EML6: variants seen among roughly 807,000 people sequenced by gnomAD.
EML6 encodes echinoderm microtubule-associated protein-like 6.
In EML6, 154 loss-of-function variants were observed where a neutral mutation model predicts 240.1. That is an observed-to-expected ratio of 0.64 (90% CI 0.56 to 0.73). The LOEUF (loss-of-function observed/expected upper bound fraction) is 0.73. Ranked by LOEUF, EML6 falls within the 30% of genes least tolerant of loss-of-function variation. The probability of loss-of-function intolerance (pLI) is 0.00; values close to 1 mark genes in which losing one functional copy is unlikely to be tolerated. For synonymous variants in EML6, 1,148 were observed against 899.0 expected (o/e 1.28, Z -4.95); for missense variants, 2,964 against 2,474.6 (o/e 1.20, Z -4.20).
chr2:54,807,000 A>G (rs948197284), intron 2 of EML6, among the ~76,000 whole-genome samples: 1 of 152,216 alleles, frequency 6.6e-6, no homozygotes, highest in East Asian at 1.9e-4. Context: ...TAATAAACTT[A>G]TACACTTTAC....
chr2:54,896,016 ACT>A (rs1672744074), intron 21 of EML6, among the ~76,000 whole-genome samples: 1 of 152,196 alleles, frequency 6.6e-6, no homozygotes, highest in Non-Finnish European at 1.5e-5. Flanking sequence ...GTCATACCAC[ACT>A]CAAAGGGAGG....
rs1258410496 is a variant in EML6, at chr2:54,894,904, T to C, written c.2743-11T>C. ...ATGTGTATATAATACCTCTCATGTG[T>C]GCCTTCACAGGGCTTTGTAACAGGT... On this transcript the variant is annotated splice_polypyrimidine_tract_variant and intron_variant, in intron 19 of 41. Transcript: ENST00000356458. The C allele has an allele frequency of 6.5e-7, 1 of 1,538,482 alleles. No homozygotes were observed. The highest frequency in any genetic ancestry group is 2.0e-5 in the Admixed American group (1 of 50,974).
In EML6 at chr2:54,895,008, T is replaced by C. The variant is rs2104137477; in HGVS notation, c.2836T>C (p.Leu946=). The change falls in exon 20 of 42, where the codon TTG becomes CTG. Residue 946 remains leucine, a synonymous_variant. Transcript: ENST00000356458. The part of the protein sequence containing the change: ...LKTYAIKRSA[L]STSSKGLLLE... Reference sequence around the variant, plus strand: ...GACTTATGCCATTAAAAGATCAGCATTGTCGACTAGCTCAAAAGGTGCCAC... The same window carrying C: ...GACTTATGCCATTAAAAGATCAGCACTGTCGACTAGCTCAAAAGGTGCCAC... The C allele has an allele frequency of 1.3e-6, 2 of 1,550,928 alleles. No homozygotes were observed. Among genetic ancestry groups the C allele is most frequent in the Admixed American group, 2.0e-5 (1 of 50,996 alleles).
In EML6 at chr2:54,888,545, C is replaced by A. The variant is rs1264015548; in HGVS notation, c.2439-2509C>A. On this transcript the variant is annotated intron_variant, in intron 17 of 41. Transcript: ENST00000356458. ...CTCCTCCCTCCTCTGTATACTGTGG[C>A]AACCACTAATTTTTTACCCATGTTA... is the stretch of plus-strand genomic sequence containing the variant. Among the ~76,000 whole-genome samples the A allele has an allele frequency of 2.6e-5, 4 of 152,156 alleles. No homozygotes were observed. In the East Asian group the frequency reaches 7.7e-4, roughly 29 times the overall value.
chr2:54,940,082 G>A (rs371818300), intron 28 of EML6, among the ~76,000 whole-genome samples: 1 of 152,304 alleles, frequency 6.6e-6, no homozygotes, highest in Admixed American at 6.5e-5. Flanking sequence ...ACCAAAATTA[G>A]AAGTAGTTTC....
At chr2:54,781,843 T>A (rs1445438718) in intron 2 of EML6, among the ~76,000 whole-genome samples, 1 of 152,086 alleles carries the variant, frequency 6.6e-6, no homozygotes, top group African/African-American at 2.4e-5. Flanking sequence ...CTAATTTTTT[T>A]ATTTTTTTAG....
intron 28 of EML6, 111 bp from the exon 29 acceptor site, chr2:54,948,771 T>A (rs778419645): frequency 4.0e-5 from 31 of 769,980 alleles, no homozygotes; most frequent in Middle Eastern, 6.5e-4. Flanking sequence ...GAGGGGCCTT[T>A]GAGGCGGGAG....
chr2:54,806,612 C>CAAAAAAAAAAAAAAAAAAAAAACAA (rs1670501856), intron 2 of EML6, among the ~76,000 whole-genome samples: 1 of 52,822 alleles, frequency 1.9e-5, no homozygotes, highest in Non-Finnish European at 3.4e-5. Context: ...ACTCCGTCTC[C>CAAAAAAAAAAAAAAAAAAAAAACAA]AAAAAAAAAA....
chr2:54,915,138 G>A (rs936751612), intron 25 of EML6, among the ~76,000 whole-genome samples: 2 of 152,144 alleles, frequency 1.3e-5, no homozygotes, highest in African/African-American at 2.4e-5. Flanking sequence ...TGCATTGACG[G>A]ATTATAGGTA....
At chr2:54,937,278 CAA>C (rs148412435) in intron 28 of EML6, among the ~76,000 whole-genome samples, 2 of 140,532 alleles carry the variant, frequency 1.4e-5, no homozygotes. Context: ...AACTCTGTCT[CAA>C]AAAAAAAAAA....
chr2:54,948,761 G>C lies in EML6; in HGVS notation c.4005-121G>C, dbSNP rs1186616180. On this transcript the variant is annotated intron_variant, in intron 28 of 41. Coordinates refer to ENST00000356458, the MANE Select transcript of EML6 (RefSeq NM_001039753.4). The stretch of plus-strand genomic sequence containing the variant: ...GGGCAGGACTGAACAGATCCAAGTG[G>C]AGGGGCCTTTGAGGCGGGAGGAGAG... The C allele has an allele frequency of 5.6e-6, 4 of 712,016 alleles. No homozygotes were observed. The African/African-American group carries it at 7.1e-5, about 13-fold the overall frequency. The allele number at this position is 712,016 out of a possible 1,614,324, so 44.1% of individuals were successfully genotyped here.
intron 10 of EML6, among the ~76,000 whole-genome samples, chr2:54,852,382 T>C (rs1670138022): frequency 6.6e-6 from 1 of 152,242 alleles, no homozygotes; most frequent in Non-Finnish European, 1.5e-5. Flanking sequence ...CGTTACTTCA[T>C]ATATTTTTTC....
At chr2:54,898,279 A>G (rs1047099958) in intron 21 of EML6, among the ~76,000 whole-genome samples, 2 of 152,120 alleles carry the variant, frequency 1.3e-5, no homozygotes, top group Non-Finnish European at 2.9e-5. Context: ...CAGATTAAGG[A>G]AATACAATTT....
In EML6 at chr2:54,759,246, A is replaced by C. The variant is rs191233985; in HGVS notation, c.197+33988A>C. Among the ~76,000 whole-genome samples the C allele has an allele frequency of 1.1e-3, 172 of 150,534 alleles. 1 individual carries two copies. Among genetic ancestry groups the C allele is most frequent in the Middle Eastern group, 3.4e-3 (1 of 294 alleles). On this transcript the variant is annotated intron_variant, in intron 2 of 41. Transcript: ENST00000356458. ...TGAATAATAATATGCATATCTGATA[A>C]TTAGGCCCACAGTTTACAGTGGCTT...
intron 28 of EML6, among the ~76,000 whole-genome samples, chr2:54,930,315 C>A (rs1674785024): frequency 6.6e-6 from 1 of 152,198 alleles, no homozygotes; most frequent in African/African-American, 2.4e-5. Flanking sequence ...CTCACCTAAT[C>A]CTCTTCTTGT....
chr2:54,881,239 A>G (rs1480297708), intron 17 of EML6: 1 of 152,240 alleles, frequency 6.6e-6, no homozygotes, highest in Non-Finnish European at 1.5e-5. Context: ...AATAAAAGTT[A>G]CTTAAATATC....
chr2:54,933,243 T>G (rs1674954127), intron 28 of EML6, among the ~76,000 whole-genome samples: 1 of 152,190 alleles, frequency 6.6e-6, no homozygotes, highest in South Asian at 2.1e-4. Context: ...CCAATCACTA[T>G]GGGCTAGGAA....
At chr2:54,907,623 T>A (rs895879942) in intron 24 of EML6, among the ~76,000 whole-genome samples, 2 of 152,234 alleles carry the variant, frequency 1.3e-5, no homozygotes, top group Non-Finnish European at 2.9e-5. Context: ...TTATTCTAAC[T>A]TGTAAATTAT....
At chr2:54,741,503 G>A (rs1453011692) in intron 2 of EML6, among the ~76,000 whole-genome samples, 3 of 152,188 alleles carry the variant, frequency 2.0e-5, no homozygotes, top group East Asian at 3.9e-4. Flanking sequence ...TACTAAGAAA[G>A]CAGTGACACA....
Sources: allele counts gnomAD v4.1 joint callset (sites outside exome capture counted in the v4.1 genomes callset), GRCh38; gene constraint gnomAD v4.1.1; transcripts MANE v1.5; gene names NCBI Gene and HGNC (gene_info 2026-07-23, HGNC 2026-07-21).